ST3GAL6: variants seen among roughly 807,000 people sequenced by gnomAD.
ST3GAL6 encodes the protein ST3 beta-galactoside alpha-2,3-sialyltransferase 6.
A neutral mutation model predicts 40.5 loss-of-function variants in ST3GAL6; 31 were observed. That is an observed-to-expected ratio of 0.77 (90% CI 0.58 to 1.03). The LOEUF (loss-of-function observed/expected upper bound fraction) is 1.03, where lower values mean the gene tolerates loss of function less well. Among genes scored for constraint, ST3GAL6 ranks in the 50% least tolerant of loss-of-function variants. The probability of loss-of-function intolerance (pLI) is 0.00; values close to 1 mark genes in which losing one functional copy is unlikely to be tolerated. For synonymous variants in ST3GAL6, 129 were observed against 136.9 expected (o/e 0.94, Z 0.40); for missense variants, 357 against 393.2 (o/e 0.91, Z 0.78).
intron 1 of ST3GAL6, among the ~76,000 whole-genome samples, chr3:98,749,114 A>T (rs1301043774): frequency 6.6e-6 from 1 of 152,230 alleles, no homozygotes; most frequent in Non-Finnish European, 1.5e-5. Flanking sequence ...GTCAGTGAGA[A>T]ATTCTTTATT....
intron 5 of ST3GAL6, among the ~76,000 whole-genome samples, chr3:98,775,797 G>A (rs1200143839): frequency 6.6e-6 from 1 of 152,140 alleles, no homozygotes; most frequent in Non-Finnish European, 1.5e-5. Flanking sequence ...ATCATGCTAA[G>A]TTCATTTCTT....
chr3:98,753,513 T>G (rs140747702), intron 1 of ST3GAL6, among the ~76,000 whole-genome samples: 52 of 152,360 alleles, frequency 3.4e-4, no homozygotes, highest in African/African-American at 1.3e-3. Flanking sequence ...TGGAAGAAGA[T>G]GGCTTCTGGG....
chr3:98,794,267 A>C lies in ST3GAL6; in HGVS notation c.*506A>C, dbSNP rs1196639744. On this transcript the variant is annotated 3_prime_UTR_variant, in exon 10 of 10. Transcript: ENST00000483910. ...TCCTGACAACCCCCAGAATTAAATG[A>C]ACCATGATTGTGAAGAGTAATTTGG... The C allele has an allele frequency of 6.6e-6, 1 of 152,226 alleles. No homozygotes were observed. The highest frequency in any genetic ancestry group is 1.5e-5 in the Non-Finnish European group (1 of 68,046). The allele number at this position is 152,226 out of a possible 1,614,324, so 9.4% of individuals were successfully genotyped here.
At chr3:98,782,064 T>G in intron 5 of ST3GAL6, 2 of 596,180 alleles carry the variant, frequency 3.4e-6, no homozygotes, top group South Asian at 2.0e-5. Context: ...AGGAAAGGGT[T>G]TTGAATATTC....
At chr3:98,786,953 TAA>T (rs1465755719) in intron 6 of ST3GAL6, among the ~76,000 whole-genome samples, 2 of 81,936 alleles carry the variant, frequency 2.4e-5, no homozygotes, top group African/African-American at 3.9e-5. Flanking sequence ...TCATCTGGGA[TAA>T]GTGTGTGTGT....
At chr3:98,780,617 G>T (rs1223989797) in intron 5 of ST3GAL6, among the ~76,000 whole-genome samples, 1 of 152,180 alleles carries the variant, frequency 6.6e-6, no homozygotes, top group African/African-American at 2.4e-5. Context: ...CCATAAGTAG[G>T]AGAGGCTGAG....
intron 1 of ST3GAL6, chr3:98,733,732 A>C (rs1935267120): frequency 1.8e-6 from 1 of 553,976 alleles, no homozygotes; most frequent in Non-Finnish European, 2.3e-6. Flanking sequence ...CTTAAAAGAA[A>C]ACCTATAAAA....
chr3:98,732,447 G>A (rs1469328423), exon 1 of ST3GAL6: 2 of 170,432 alleles, frequency 1.2e-5, no homozygotes, highest in South Asian at 2.8e-4. Context: ...GCCACCCGCC[G>A]CCTTTCCTCG....
chr3:98,766,147 TTTAA>T (rs1275605844), intron 1 of ST3GAL6, among the ~76,000 whole-genome samples: 1 of 152,176 alleles, frequency 6.6e-6, no homozygotes, highest in East Asian at 1.9e-4. Context: ...CTTCTTTGTT[TTTAA>T]TTAGACCACA....
chr3:98,780,558 T>C (rs1458163120), intron 5 of ST3GAL6, among the ~76,000 whole-genome samples: 4 of 148,898 alleles, frequency 2.7e-5, no homozygotes, highest in African/African-American at 9.7e-5. Flanking sequence ...AATGAGGCAA[T>C]GTCTATGTTA....
chr3:98,732,541 T>C, intron 1 of ST3GAL6: 1 of 273,490 alleles, frequency 3.7e-6, no homozygotes, highest in East Asian at 6.7e-5. Flanking sequence ...AGGTAGGGGT[T>C]CGGCTGTGCT....
chr3:98,770,090 G>A (rs1470186612), intron 2 of ST3GAL6, among the ~76,000 whole-genome samples: 1 of 152,102 alleles, frequency 6.6e-6, no homozygotes, highest in Non-Finnish European at 1.5e-5. Context: ...GAAGGGTTTA[G>A]GGTATTTCCT....
chr3:98,733,253 G>C, intron 1 of ST3GAL6: 2 of 982,044 alleles, frequency 2.0e-6, no homozygotes, highest in Non-Finnish European at 2.4e-6. Flanking sequence ...AGCCACCGCC[G>C]AGAGGGCACC....
At chr3:98,737,118 C>T (rs766424582) in intron 1 of ST3GAL6, among the ~76,000 whole-genome samples, 15 of 152,110 alleles carry the variant, frequency 9.9e-5, no homozygotes, top group Non-Finnish European at 1.8e-4. Flanking sequence ...GCTCGATCTC[C>T]GCTCACTAAA....
chr3:98,791,348 GTTAGT>G (rs1447507303), intron 8 of ST3GAL6, among the ~76,000 whole-genome samples: 2 of 152,138 alleles, frequency 1.3e-5, no homozygotes, highest in African/African-American at 2.4e-5. Flanking sequence ...TTTCCCTAGA[GTTAGT>G]TTAAATGGTG....
chr3:98,768,645 C>A, intron 2 of ST3GAL6, 116 bp downstream of exon 2: 1 of 752,378 alleles, frequency 1.3e-6, no homozygotes, highest in Non-Finnish European at 2.2e-6. Context: ...TATTTTCTTG[C>A]TTTCCATTGT....
At chr3:98,779,126 GCTGT>G (rs1323704501) in intron 5 of ST3GAL6, among the ~76,000 whole-genome samples, 3 of 152,162 alleles carry the variant, frequency 2.0e-5, no homozygotes, top group African/African-American at 7.2e-5. Flanking sequence ...TTTTTCTGTG[GCTGT>G]CTTTTTCTCT....
At chr3:98,733,262 C>A (rs1266291123) in intron 1 of ST3GAL6, 2 of 983,616 alleles carry the variant, frequency 2.0e-6, no homozygotes, top group Non-Finnish European at 2.4e-6. Flanking sequence ...CGAGAGGGCA[C>A]CCGGGGATCC....
chr3:98,791,818 G>GT (rs1285011731), intron 8 of ST3GAL6, 23 bp from the exon 9 acceptor site: 3 of 1,591,436 alleles, frequency 1.9e-6, no homozygotes, highest in Non-Finnish European at 2.6e-6. Context: ...GCTTAAAAAA[G>GT]TTTTTTTCAT....
Sources: allele counts gnomAD v4.1 joint callset (sites outside exome capture counted in the v4.1 genomes callset), GRCh38; gene constraint gnomAD v4.1.1; transcripts MANE v1.5; gene names NCBI Gene and HGNC (gene_info 2026-07-23, HGNC 2026-07-21).